The following MTX2 variants were observed in gnomAD, a reference collection of about 807,000 sequenced individuals.
The protein encoded by MTX2 is metaxin 2.
Under a neutral mutation model 42.3 loss-of-function variants are expected in MTX2, and 35 were observed. The observed-to-expected ratio is 0.83, with a 90% CI of 0.63 to 1.10. The LOEUF (loss-of-function observed/expected upper bound fraction) is 1.10, where lower values mean the gene tolerates loss of function less well. Ranked by LOEUF, MTX2 falls within the 50% of genes least tolerant of loss-of-function variation. MTX2 has a pLI of 0.00. For synonymous variants in MTX2, 119 were observed against 100.9 expected (o/e 1.18, Z -1.08); for missense variants, 307 against 304.1 (o/e 1.01, Z -0.07).
chr2:176,324,491 G>T (rs765167018), intron 4 of MTX2, among the ~76,000 whole-genome samples: 2 of 151,490 alleles, frequency 1.3e-5, no homozygotes, highest in Non-Finnish European at 3.0e-5. Context: ...ACTCATTTTT[G>T]TGTTGGTTTT....
intron 9 of MTX2, among the ~76,000 whole-genome samples, chr2:176,331,783 C>T (rs558379004): frequency 9.3e-5 from 14 of 151,128 alleles, no homozygotes; most frequent in Middle Eastern, 3.4e-3. Flanking sequence ...ATCCAAATGT[C>T]AATATTACGT....
In MTX2 at chr2:176,331,515, G is replaced by C. The variant is rs573683807; in HGVS notation, c.620+855G>C. 6.4e-4 allele frequency among the ~76,000 whole-genome samples: 97 copies of C among 150,924 alleles called. 1 individual carries two copies. Among genetic ancestry groups the C allele is most frequent in the African/African-American group, 1.9e-3 (78 of 41,362 alleles). ...TCTATAACCATATCAAACATATTTG[G>C]GTAAAGATAATATTTGTAGTAAAAA... On this transcript the variant is annotated intron_variant, in intron 9 of 9. Transcript: ENST00000249442.
At chr2:176,299,082 A>G (rs1029082471) in intron 3 of MTX2, among the ~76,000 whole-genome samples, 5 of 152,224 alleles carry the variant, frequency 3.3e-5, no homozygotes, top group African/African-American at 1.2e-4. Flanking sequence ...GTGGTTTCCA[A>G]CTGGGCAGCT....
At chr2:176,329,755 G>C (rs531830207) in intron 8 of MTX2, among the ~76,000 whole-genome samples, 4 of 146,506 alleles carry the variant, frequency 2.7e-5, no homozygotes, top group African/African-American at 1.0e-4. Context: ...GCCTGCTACT[G>C]TATAACCTGA....
rs1684771478 is a variant in MTX2, at chr2:176,328,395, T to C, written c.378+10T>C. 1 of 1,479,028 alleles carries C rather than the reference T, an allele frequency of 6.8e-7. No homozygotes were observed. Among genetic ancestry groups the C allele is most frequent in the South Asian group, 1.4e-5 (1 of 73,824 alleles). 91.6% of individuals were successfully genotyped at this position (1,479,028 alleles called of 1,614,324 possible). The stretch of plus-strand genomic sequence containing the variant: ...GCTGTTGACTGCAGAGGTAAAATAC[T>C]AGATGATACGGCTTGAAAATAAGCT... On this transcript the variant is annotated intron_variant, in intron 6 of 9. Coordinates refer to ENST00000249442, the MANE Select transcript of MTX2 (RefSeq NM_006554.5).
At chr2:176,323,720 T>C (rs1412800051) in intron 4 of MTX2, among the ~76,000 whole-genome samples, 4 of 151,754 alleles carry the variant, frequency 2.6e-5, no homozygotes, top group African/African-American at 9.7e-5. Context: ...TTTTAAATAG[T>C]AAATGTTAAG....
chr2:176,285,969 C>T (rs1693189647), intron 1 of MTX2, among the ~76,000 whole-genome samples: 13 of 152,192 alleles, frequency 8.5e-5, no homozygotes, highest in Admixed American at 8.5e-4. Flanking sequence ...CCAAACATTT[C>T]ATGGTCCCAT....
At chr2:176,276,608 G>A (rs1692951326) in intron 1 of MTX2, among the ~76,000 whole-genome samples, 1 of 151,956 alleles carries the variant, frequency 6.6e-6, no homozygotes, top group Non-Finnish European at 1.5e-5. Flanking sequence ...CAAGTATCTA[G>A]TATAGGGTGG....
At chr2:176,288,457 T>G (rs539376453) in intron 1 of MTX2, among the ~76,000 whole-genome samples, 1 of 152,152 alleles carries the variant, frequency 6.6e-6, no homozygotes, top group South Asian at 2.1e-4. Flanking sequence ...TTGAACATTT[T>G]GTTATATTAG....
intron 3 of MTX2, among the ~76,000 whole-genome samples, chr2:176,317,055 A>AC (rs1362420213): frequency 4.0e-5 from 6 of 151,648 alleles, no homozygotes; most frequent in Non-Finnish European, 7.4e-5. Flanking sequence ...AAAAAAACAA[A>AC]AACTTTTATT....
intron 1 of MTX2, among the ~76,000 whole-genome samples, chr2:176,280,979 A>C (rs1349972538): frequency 6.6e-6 from 1 of 152,186 alleles, no homozygotes; most frequent in Admixed American, 6.5e-5. Flanking sequence ...GGTGCTGATC[A>C]TGAGTGACTG....
chr2:176,308,361 C>G (rs1333104489), intron 3 of MTX2, among the ~76,000 whole-genome samples: 1 of 152,114 alleles, frequency 6.6e-6, no homozygotes. Context: ...GTCTAAAATT[C>G]TCTTTTTTTG....
At chr2:176,281,069 G>A (rs1361862972) in intron 1 of MTX2, among the ~76,000 whole-genome samples, 1 of 152,180 alleles carries the variant, frequency 6.6e-6, no homozygotes, top group Non-Finnish European at 1.5e-5. Flanking sequence ...TTCTGGTGAG[G>A]ACTGATAGTA....
At chr2:176,336,833 A>G (rs975541000) in intron 9 of MTX2, among the ~76,000 whole-genome samples, 1 of 152,116 alleles carries the variant, frequency 6.6e-6, no homozygotes, top group African/African-American at 2.4e-5. Flanking sequence ...TTTTAAGTTG[A>G]TGAATAAAAT....
rs1442685886 is a variant in MTX2 at position 176,329,307 on chromosome 2, C to G, written c.424C>G (p.His142Asp). 1.9e-6 allele frequency: 3 copies of G among 1,603,722 alleles called. No individual in the cohort carries two copies. Among genetic ancestry groups the G allele is most frequent in the Non-Finnish European group, 2.6e-6 (3 of 1,173,990 alleles). The change falls in exon 8 of 10, where the codon CAT becomes GAT. Residue 142 changes from histidine (H) to aspartate (D), a missense_variant. Coordinates refer to ENST00000249442, the MANE Select transcript of MTX2 (RefSeq NM_006554.5). ...CDEATVGEIT[H>D]ARYGSPYPWP... ...CAAAATCTTTTTACTTTAGATCACT[C>G]ATGCTAGGTATGGATCTCCTTACCC... is the stretch of plus-strand genomic sequence containing the variant.
intron 1 of MTX2, among the ~76,000 whole-genome samples, chr2:176,272,676 A>G (rs983794213): frequency 2.6e-5 from 4 of 152,044 alleles, no homozygotes; most frequent in Non-Finnish European, 5.9e-5. Flanking sequence ...AATAATATCT[A>G]TTTTGTATGA....
chr2:176,323,322 T>G (rs1438245973), intron 3 of MTX2, 70 bp from the exon 4 acceptor site: 1 of 1,250,636 alleles, frequency 8.0e-7, no homozygotes, highest in Non-Finnish European at 1.2e-6. Flanking sequence ...AGAAAAGAAA[T>G]GCATACAAAT....
rs561689786 is a variant in MTX2, at chr2:176,322,360, T to C, written c.136-1032T>C. ...GATAAATAATATCCTTGTTAATTTA[T>C]TAATTTATCTTATCTTACTTTTGAC... On this transcript the variant is annotated intron_variant, in intron 3 of 9. Coordinates refer to ENST00000249442, the MANE Select transcript of MTX2 (RefSeq NM_006554.5). 1.9e-3 allele frequency among the ~76,000 whole-genome samples: 295 copies of C among 152,270 alleles called. 3 individuals carry two copies. Among genetic ancestry groups the C allele is most frequent in the African/African-American group, 6.9e-3 (287 of 41,574 alleles).
intron 9 of MTX2, among the ~76,000 whole-genome samples, chr2:176,331,541 T>C (rs1461424639): frequency 1.3e-5 from 2 of 151,136 alleles, no homozygotes; most frequent in African/African-American, 2.4e-5. Context: ...GTAGTAAAAA[T>C]GGCTATGATG....
Sources: gnomAD v4.1 joint callset for allele counts (sites outside exome capture counted in the v4.1 genomes callset) on GRCh38, gnomAD v4.1.1 for gene constraint, MANE v1.5 for transcripts, NCBI Gene and HGNC (gene_info 2026-07-23, HGNC 2026-07-21) for gene names.